The following NKAIN3 variants were observed in gnomAD, a reference collection of about 807,000 sequenced individuals.
The protein encoded by NKAIN3 is sodium/potassium-transporting ATPase subunit beta-1-interacting protein 3.
NKAIN3 carries 25 observed loss-of-function variants against 30.2 expected under a neutral mutation model. The observed-to-expected ratio is 0.83, with a 90% CI of 0.60 to 1.16. The LOEUF (loss-of-function observed/expected upper bound fraction) is 1.16, where lower values mean the gene tolerates loss of function less well. Among genes scored for constraint, NKAIN3 ranks in the 50% most tolerant of loss-of-function variants. The pLI is 0.00. For missense variants in NKAIN3, 225 were observed against 254.1 expected (o/e 0.89, Z 0.78); for synonymous variants, 91 against 89.6 (o/e 1.02, Z -0.09).
intron 1 of NKAIN3, among the ~76,000 whole-genome samples, chr8:62,391,782 T>C (rs376400901): frequency 7.9e-5 from 12 of 151,998 alleles, no homozygotes; most frequent in African/African-American, 2.9e-4. Flanking sequence ...TAATGCATTA[T>C]GAAGATGAAT....
intron 1 of NKAIN3, among the ~76,000 whole-genome samples, chr8:62,495,448 G>A (rs1585871110): frequency 6.6e-6 from 1 of 151,830 alleles, no homozygotes; most frequent in African/African-American, 2.4e-5. Flanking sequence ...TCTCTTCAGT[G>A]CCAAATTGGC....
At chr8:62,410,434 C>G (rs1046888659) in intron 1 of NKAIN3, among the ~76,000 whole-genome samples, 2 of 152,056 alleles carry the variant, frequency 1.3e-5, no homozygotes, top group African/African-American at 4.8e-5. Flanking sequence ...GTATATGTGT[C>G]TTTTTGGTAT....
intron 4 of NKAIN3, among the ~76,000 whole-genome samples, chr8:62,799,185 C>G (rs2130688736): frequency 6.6e-6 from 1 of 152,262 alleles, no homozygotes; most frequent in Non-Finnish European, 1.5e-5. Flanking sequence ...AGGAAGCAGT[C>G]TGCCCAAAAT....
At chr8:62,593,244 C>T (rs1585987103) in intron 3 of NKAIN3, among the ~76,000 whole-genome samples, 3 of 151,616 alleles carry the variant, frequency 2.0e-5, no homozygotes, top group African/African-American at 7.3e-5. Flanking sequence ...TATTCTCCCA[C>T]CACAAATACA....
At chr8:62,757,183 T>C (rs893711867) in intron 4 of NKAIN3, among the ~76,000 whole-genome samples, 4 of 152,124 alleles carry the variant, frequency 2.6e-5, no homozygotes, top group Non-Finnish European at 5.9e-5. Context: ...GGTGCATTAC[T>C]TGGGATAATT....
chr8:62,526,143 G>T (rs1808298983), intron 1 of NKAIN3, among the ~76,000 whole-genome samples: 1 of 152,116 alleles, frequency 6.6e-6, no homozygotes, highest in Non-Finnish European at 1.5e-5. Context: ...TGAGAGAAGG[G>T]CTGAAGGAAC....
At chr8:62,760,880 T>C (rs181364893) in intron 4 of NKAIN3, among the ~76,000 whole-genome samples, 2 of 152,310 alleles carry the variant, frequency 1.3e-5, no homozygotes, top group African/African-American at 4.8e-5. Context: ...CAAAGAATTA[T>C]TCCTGGCAGT....
intron 3 of NKAIN3, among the ~76,000 whole-genome samples, chr8:62,681,290 T>G (rs570566201): frequency 1.2e-4 from 18 of 152,226 alleles, no homozygotes; most frequent in Non-Finnish European, 7.3e-5. Context: ...AACTTTGAGA[T>G]TATTGAATGA....
intron 4 of NKAIN3, among the ~76,000 whole-genome samples, chr8:62,843,256 CT>C (rs1185390169): frequency 6.6e-6 from 1 of 151,654 alleles, no homozygotes; most frequent in Non-Finnish European, 1.5e-5. Context: ...GGATTGTCCC[CT>C]AGAGACTCCA....
intron 1 of NKAIN3, among the ~76,000 whole-genome samples, chr8:62,476,544 C>T (rs900757717): frequency 2.6e-5 from 4 of 152,014 alleles, no homozygotes; most frequent in Admixed American, 6.6e-5. Context: ...GTAACCTCCA[C>T]CTCCTAGGTT....
chr8:62,965,247 G>A lies in NKAIN3; in HGVS notation c.604-107G>A, dbSNP rs1563648349. On this transcript the variant is annotated intron_variant, in intron 6 of 6. Transcript: ENST00000623646. ...TTATTGCTACAGTCAGACAGCACCA[G>A]GTGCACCCAGGAGCTATTTTGCATT... 11 of 967,548 alleles carry A rather than the reference G, an allele frequency of 1.1e-5. No homozygotes were observed. In the South Asian group the frequency reaches 4.3e-4, roughly 38 times the overall value. The allele number at this position is 967,548 out of a possible 1,614,324, so 59.9% of individuals were successfully genotyped here.
At chr8:62,803,775 T>A (rs1051493154) in intron 4 of NKAIN3, among the ~76,000 whole-genome samples, 1 of 152,002 alleles carries the variant, frequency 6.6e-6, no homozygotes, top group African/African-American at 2.4e-5. Context: ...AGAGCAGAAC[T>A]GAAGGAAATA....
chr8:62,415,118 A>T (rs1180579312), intron 1 of NKAIN3, among the ~76,000 whole-genome samples: 2 of 98,548 alleles, frequency 2.0e-5, no homozygotes, highest in East Asian at 3.2e-4. Flanking sequence ...ATTATGTATA[A>T]TATATAATAT....
chr8:62,566,430 ATAAT>A (rs1485000712), intron 1 of NKAIN3, among the ~76,000 whole-genome samples: 4 of 151,954 alleles, frequency 2.6e-5, no homozygotes, highest in South Asian at 4.2e-4. Context: ...TGCTTACCTC[ATAAT>A]TAATAAATGA....
rs1275987885 is a variant in NKAIN3, at chr8:62,970,816, T to G, written c.*5409T>G. 6.6e-6 allele frequency among the ~76,000 whole-genome samples: 1 copy of G among 152,228 alleles called. No homozygotes were observed. The highest frequency in any genetic ancestry group is 1.5e-5 in the Non-Finnish European group (1 of 68,036). On this transcript the variant is annotated 3_prime_UTR_variant, in exon 7 of 7. Transcript: ENST00000623646. ...ATCATTTTCCATGTAAGGCATGTTT[T>G]TCCTTTCCTCTTCAGAGTTATTTAG...
intron 3 of NKAIN3, among the ~76,000 whole-genome samples, chr8:62,635,967 G>A (rs987586277): frequency 4.6e-5 from 7 of 152,092 alleles, no homozygotes; most frequent in Non-Finnish European, 7.4e-5. Context: ...ACTTTGCCCT[G>A]TCTACACAGA....
At chr8:62,614,764 G>T (rs1464466030) in intron 3 of NKAIN3, among the ~76,000 whole-genome samples, 2 of 152,012 alleles carry the variant, frequency 1.3e-5, no homozygotes, top group African/African-American at 4.8e-5. Flanking sequence ...AGGCAGAGGG[G>T]CTTCATGTCG....
intron 3 of NKAIN3, among the ~76,000 whole-genome samples, chr8:62,685,184 AG>A (rs1157465956): frequency 2.0e-5 from 3 of 152,338 alleles, no homozygotes; most frequent in Middle Eastern, 3.4e-3. Context: ...CAGGTAGGAA[AG>A]GGTTTTCATA....
chr8:62,911,037 C>G (rs1305822416), intron 4 of NKAIN3, among the ~76,000 whole-genome samples: 1 of 152,008 alleles, frequency 6.6e-6, no homozygotes, highest in Non-Finnish European at 1.5e-5. Context: ...GTCAAAGAGG[C>G]TAACAATATG....
Sources: allele counts gnomAD v4.1 joint callset (sites outside exome capture counted in the v4.1 genomes callset), GRCh38; gene constraint gnomAD v4.1.1; transcripts MANE v1.5; gene names NCBI Gene and HGNC (gene_info 2026-07-23, HGNC 2026-07-21).